CEMIP: variants seen among roughly 807,000 people sequenced by gnomAD.
CEMIP encodes cell migration-inducing and hyaluronan-binding protein.
In CEMIP, 105 loss-of-function variants were observed where a neutral mutation model predicts 156.9. The ratio of observed to expected loss-of-function variants is 0.67; its 90% confidence interval spans 0.57 to 0.79. CEMIP has a LOEUF of 0.79. Ranked by LOEUF, CEMIP falls within the 30% of genes least tolerant of loss-of-function variation. The pLI, the probability that CEMIP is intolerant of heterozygous loss-of-function variation, is 0.00. For missense variants in CEMIP, 1,457 were observed against 1,769.4 expected (o/e 0.82, Z 3.17); for synonymous variants, 676 against 668.4 (o/e 1.01, Z -0.17).
At chr15:80,900,634 G>GTGTGTGTGTGTC (rs1899464836) in intron 12 of CEMIP, among the ~76,000 whole-genome samples, 1 of 134,590 alleles carries the variant, frequency 7.4e-6, no homozygotes, top group Non-Finnish European at 1.7e-5. Context: ...GTGTGTGTGT[G>GTGTGTGTGTGTC]TGTGTGTGTG....
At chr15:80,917,073 A>C (rs1403805115) in intron 14 of CEMIP, among the ~76,000 whole-genome samples, 1 of 152,240 alleles carries the variant, frequency 6.6e-6, no homozygotes, top group Non-Finnish European at 1.5e-5. Flanking sequence ...GGTTTAAATA[A>C]GACAACATGT....
intron 1 of CEMIP, among the ~76,000 whole-genome samples, chr15:80,819,804 T>C (rs1896869275): frequency 6.6e-6 from 1 of 152,214 alleles, no homozygotes; most frequent in Non-Finnish European, 1.5e-5. Flanking sequence ...ACATTGATCC[T>C]CATGAATATC....
intron 7 of CEMIP, among the ~76,000 whole-genome samples, chr15:80,885,452 C>T (rs1276020101): frequency 6.6e-6 from 1 of 152,196 alleles, no homozygotes; most frequent in East Asian, 1.9e-4. Flanking sequence ...CATTGCAAGC[C>T]TCCTTTGTTA....
At chr15:80,931,749 C>A (rs1431866640) in intron 21 of CEMIP, 110 bp from the exon 22 acceptor site, 2 of 1,065,078 alleles carry the variant, frequency 1.9e-6, no homozygotes, top group East Asian at 2.4e-5. Context: ...GTCTCTGCTA[C>A]CATCCACCTC....
In CEMIP at chr15:80,876,869, G is replaced by A. The variant is rs527303963; in HGVS notation, c.95-1852G>A. 2.9e-4 allele frequency among the ~76,000 whole-genome samples: 44 copies of A among 152,298 alleles called. No homozygotes were observed. In the South Asian group the frequency reaches 8.5e-3, roughly 29 times the overall value. ...ATCAAGGCGCATTTAGAACTGACACGCTCATAATTGCACTGTATTAGTCTG... is the reference window on the plus strand; with the variant it reads ...ATCAAGGCGCATTTAGAACTGACACACTCATAATTGCACTGTATTAGTCTG... On this transcript the variant is annotated intron_variant, in intron 3 of 29. Transcript: ENST00000394685.
At chr15:80,934,952 G>A (rs552044486) in intron 23 of CEMIP, among the ~76,000 whole-genome samples, 91 of 152,352 alleles carry the variant, frequency 6.0e-4, no homozygotes, top group African/African-American at 2.1e-3. Flanking sequence ...TTGCTGTAGA[G>A]AGTGGAAAAT....
At chr15:80,945,938 A>G (rs980973640) in intron 28 of CEMIP, among the ~76,000 whole-genome samples, 2 of 152,182 alleles carry the variant, frequency 1.3e-5, no homozygotes, top group African/African-American at 4.8e-5. Flanking sequence ...GCAATTTGGG[A>G]CCTTCAGGCT....
At chr15:80,857,956 T>C (rs141645899) in intron 1 of CEMIP, among the ~76,000 whole-genome samples, 1 of 151,746 alleles carries the variant, frequency 6.6e-6, no homozygotes, top group Non-Finnish European at 1.5e-5. Context: ...AGGAGCAGCA[T>C]GTGAAAAGTC....
intron 1 of CEMIP, among the ~76,000 whole-genome samples, chr15:80,863,889 A>G (rs1368372600): frequency 1.3e-5 from 2 of 152,138 alleles, no homozygotes; most frequent in Non-Finnish European, 2.9e-5. Flanking sequence ...GGGATGGGTA[A>G]ACAAGGCCAT....
intron 1 of CEMIP, among the ~76,000 whole-genome samples, chr15:80,786,958 A>G (rs1895955965): frequency 6.6e-6 from 1 of 152,234 alleles, no homozygotes; most frequent in Admixed American, 6.5e-5. Context: ...AAAAAGCCAA[A>G]TTTGATTGAT....
intron 24 of CEMIP, 48 bp downstream of exon 24, chr15:80,936,933 T>C (rs1596206159): frequency 1.3e-6 from 2 of 1,566,746 alleles, no homozygotes; most frequent in Middle Eastern, 1.9e-4. Flanking sequence ...CTGATAACGA[T>C]GCCTTGTTGC....
intron 1 of CEMIP, among the ~76,000 whole-genome samples, chr15:80,864,113 C>G (rs1898058193): frequency 6.6e-6 from 1 of 152,200 alleles, no homozygotes; most frequent in Non-Finnish European, 1.5e-5. Context: ...AGGAACCTCC[C>G]TTTATCCGCC....
At chr15:80,888,327 A>T (rs56205298) in intron 8 of CEMIP, among the ~76,000 whole-genome samples, 23,974 of 151,126 alleles carry the variant, frequency 0.16, 2,216 homozygotes, top group Non-Finnish European at 0.21. Flanking sequence ...AAAAAAATTT[A>T]AAAAAAAAGA....
Position 80,942,733 on chromosome 15 carries a change from C to A in CEMIP, c.3700-212C>A, listed in dbSNP as rs150481028. ...AAGATTCTATTTTCACATAAGCCCA[C>A]TTTCACAGGTTCCGGGTGGACATAA... is the stretch of plus-strand genomic sequence containing the variant. On this transcript the variant is annotated intron_variant, in intron 27 of 29. Coordinates refer to ENST00000394685, the MANE Select transcript of CEMIP (RefSeq NM_001293298.2). Among the ~76,000 whole-genome samples, 285 of 152,352 alleles carry A rather than the reference C, an allele frequency of 1.9e-3. 7 individuals carry two copies. Among genetic ancestry groups the A allele is most frequent in the Non-Finnish European group, 2.4e-4 (16 of 68,042 alleles).
At chr15:80,912,291 T>C (rs955521291) in intron 14 of CEMIP, among the ~76,000 whole-genome samples, 1 of 152,116 alleles carries the variant, frequency 6.6e-6, no homozygotes, top group Non-Finnish European at 1.5e-5. Flanking sequence ...ACAGTGGAGG[T>C]GGACTCTTGT....
chr15:80,796,159 CG>C (rs976082211), intron 1 of CEMIP, among the ~76,000 whole-genome samples: 1 of 152,048 alleles, frequency 6.6e-6, no homozygotes, highest in African/African-American at 2.4e-5. Flanking sequence ...TTTTGAGATG[CG>C]GGGGCGTCTC....
chr15:80,827,485 G>A (rs1897062817), intron 1 of CEMIP, among the ~76,000 whole-genome samples: 1 of 152,110 alleles, frequency 6.6e-6, no homozygotes, highest in African/African-American at 2.4e-5. Flanking sequence ...TGGGCATGGT[G>A]GTATGTCCCT....
chr15:80,823,632 C>T lies in CEMIP; in HGVS notation c.-176+44018C>T, dbSNP rs141605040. Among the ~76,000 whole-genome samples the T allele has an allele frequency of 4.9e-3, 743 of 152,252 alleles. 6 individuals carry two copies. The highest frequency in any genetic ancestry group is 0.017 in the African/African-American group (727 of 41,552). ...TGTCCTGAGACTAGATATGAGGAGG[C>T]CCCATTTTCCCAACTCAACCCTGAT... On this transcript the variant is annotated intron_variant, in intron 1 of 29. Transcript: ENST00000394685.
chr15:80,786,876 A>G (rs1185536948), intron 1 of CEMIP, among the ~76,000 whole-genome samples: 1 of 152,210 alleles, frequency 6.6e-6, no homozygotes, highest in Non-Finnish European at 1.5e-5. Context: ...GTAAGGAAAA[A>G]GAAATCTTAT....
Sources: allele counts gnomAD v4.1 joint callset (sites outside exome capture counted in the v4.1 genomes callset), GRCh38; gene constraint gnomAD v4.1.1; transcripts MANE v1.5; gene names NCBI Gene and HGNC (gene_info 2026-07-23, HGNC 2026-07-21).